SCHIP1: variants seen among roughly 807,000 people sequenced by gnomAD.
SCHIP1 encodes the protein schwannomin-interacting protein 1.
Under a neutral mutation model 29.7 loss-of-function variants are expected in SCHIP1, and 8 were observed. The observed-to-expected ratio is 0.27, with a 90% CI of 0.16 to 0.49. SCHIP1 has a LOEUF of 0.49. SCHIP1 is among the 20% of genes least tolerant of loss of function. SCHIP1 has a pLI of 0.99. For synonymous variants in SCHIP1, 76 were observed against 94.9 expected (o/e 0.80, Z 1.16); for missense variants, 193 against 294.6 (o/e 0.66, Z 2.52).
At chr3:159,557,261 G>C in the SCHIP1 span, among the ~76,000 whole-genome samples, 1 of 152,108 alleles carries the variant, frequency 6.6e-6, no homozygotes, top group South Asian at 2.1e-4. Context: ...ACTCTTATAA[G>C]GGTATAAAAA....
At chr3:159,642,127 C>T in the SCHIP1 span, among the ~76,000 whole-genome samples, 4 of 151,960 alleles carry the variant, frequency 2.6e-5, no homozygotes, top group Admixed American at 6.6e-5. Flanking sequence ...GACAAAGCAC[C>T]GCAAAAATTA....
At chr3:159,790,304 T>C in the SCHIP1 span, among the ~76,000 whole-genome samples, 2 of 152,256 alleles carry the variant, frequency 1.3e-5, no homozygotes, top group Admixed American at 6.5e-5. Context: ...AAAGAGGAAC[T>C]TGAGCAGCAT....
chr3:159,562,719 CA>C, the SCHIP1 span, among the ~76,000 whole-genome samples: 2 of 152,172 alleles, frequency 1.3e-5, no homozygotes, highest in South Asian at 4.1e-4. Context: ...AGTCTTTTCC[CA>C]ATTCATCCTC....
the SCHIP1 span, among the ~76,000 whole-genome samples, chr3:159,815,730 T>C: frequency 2.0e-5 from 3 of 152,182 alleles, no homozygotes; most frequent in South Asian, 2.1e-4. Flanking sequence ...GTTCTCTCCA[T>C]GTCACATGAT....
chr3:159,897,260 G>T (rs1004562822), exon 7 of SCHIP1: 2 of 152,740 alleles, frequency 1.3e-5, no homozygotes, highest in African/African-American at 2.4e-5. Flanking sequence ...ACTACCTGAA[G>T]TTCCTTTTTA....
upstream of SCHIP1, among the ~76,000 whole-genome samples, chr3:159,836,299 C>G (rs1743655239): frequency 6.6e-6 from 1 of 152,198 alleles, no homozygotes; most frequent in African/African-American, 2.4e-5. Context: ...ATGGCATCTT[C>G]TTACTGTGTC....
At chr3:159,514,678 A>G in the SCHIP1 span, among the ~76,000 whole-genome samples, 1 of 152,192 alleles carries the variant, frequency 6.6e-6, no homozygotes, top group African/African-American at 2.4e-5. Context: ...TTTATTGAAA[A>G]CTAAACTATT....
At chr3:159,395,818 T>C in the SCHIP1 span, among the ~76,000 whole-genome samples, 1 of 151,882 alleles carries the variant, frequency 6.6e-6, no homozygotes, top group African/African-American at 2.4e-5. Flanking sequence ...TGGAGAGTTC[T>C]GTAGATGTCT....
the SCHIP1 span, among the ~76,000 whole-genome samples, chr3:159,424,518 C>A: frequency 6.6e-6 from 1 of 152,132 alleles, no homozygotes; most frequent in South Asian, 2.1e-4. Flanking sequence ...ATGAACAAAG[C>A]CTCCAAGAAA....
the SCHIP1 span, among the ~76,000 whole-genome samples, chr3:159,421,319 CA>C: frequency 6.6e-6 from 1 of 152,192 alleles, no homozygotes; most frequent in African/African-American, 2.4e-5. Context: ...AAGTCTAGAA[CA>C]GTGCCTGAAC....
the SCHIP1 span, among the ~76,000 whole-genome samples, chr3:159,737,433 G>T: frequency 6.6e-6 from 1 of 152,110 alleles, no homozygotes; most frequent in African/African-American, 2.4e-5. Flanking sequence ...TTCAGGAACT[G>T]GTCCTCTAGT....
the SCHIP1 span, among the ~76,000 whole-genome samples, chr3:159,796,468 T>G: frequency 6.6e-6 from 1 of 151,718 alleles, no homozygotes; most frequent in Non-Finnish European, 1.5e-5. Flanking sequence ...CAGGGAGGAG[T>G]GATCATGCAC....
chr3:159,453,374 T>C, the SCHIP1 span, among the ~76,000 whole-genome samples: 1 of 152,224 alleles, frequency 6.6e-6, no homozygotes, highest in South Asian at 2.1e-4. Context: ...TGCAAAGCGC[T>C]GCCTAAAGCT....
the SCHIP1 span, among the ~76,000 whole-genome samples, chr3:159,784,498 A>C: frequency 6.6e-6 from 1 of 152,264 alleles, no homozygotes; most frequent in Non-Finnish European, 1.5e-5. Flanking sequence ...CCAGTTCATT[A>C]GAATAGCTAT....
At chr3:159,609,187 A>G in the SCHIP1 span, among the ~76,000 whole-genome samples, 1 of 152,180 alleles carries the variant, frequency 6.6e-6, no homozygotes, top group Non-Finnish European at 1.5e-5. Context: ...GCATCAAGAA[A>G]GGTTCCACAA....
At chr3:159,819,244 A>G in the SCHIP1 span, among the ~76,000 whole-genome samples, 1 of 151,212 alleles carries the variant, frequency 6.6e-6, no homozygotes, top group Admixed American at 6.6e-5. Context: ...AGCTTGGGGG[A>G]GAGAGAGAGA....
At chr3:159,358,151 C>G in the SCHIP1 span, among the ~76,000 whole-genome samples, 2 of 152,208 alleles carry the variant, frequency 1.3e-5, no homozygotes, top group Non-Finnish European at 2.9e-5. Flanking sequence ...GAAGCAAACT[C>G]AAAGCCCTAA....
At chr3:159,730,732 T>A in the SCHIP1 span, among the ~76,000 whole-genome samples, 1 of 152,124 alleles carries the variant, frequency 6.6e-6, no homozygotes, top group Non-Finnish European at 1.5e-5. Flanking sequence ...AGCAAATAAA[T>A]CATGTATTTA....
chr3:159,428,487 C>A, the SCHIP1 span, among the ~76,000 whole-genome samples: 13 of 152,158 alleles, frequency 8.5e-5, no homozygotes, highest in Non-Finnish European at 1.6e-4. Context: ...AAATCAAAAC[C>A]ACAATGAGAT....
Sources: allele counts gnomAD v4.1 joint callset (sites outside exome capture counted in the v4.1 genomes callset), GRCh38; gene constraint gnomAD v4.1.1; transcripts MANE v1.5; gene names NCBI Gene and HGNC (gene_info 2026-07-23, HGNC 2026-07-21).